The following ACBD7 variants were observed in gnomAD, a reference collection of about 807,000 sequenced individuals.
ACBD7 encodes acyl-CoA-binding domain-containing protein 7.
In ACBD7, 11 loss-of-function variants were observed where a neutral mutation model predicts 13.7. The ratio of observed to expected loss-of-function variants is 0.80; its 90% CI spans 0.50 to 1.33. The LOEUF is 1.33. Among genes scored for constraint, ACBD7 ranks in the 40% most tolerant of loss-of-function variants. The pLI is 0.00. For synonymous variants in ACBD7, 43 were observed against 37.7 expected (o/e 1.14, Z -0.51); for missense variants, 111 against 103.0 (o/e 1.08, Z -0.33).
At chr10:15,079,704 G>C (rs892049794) in intron 1 of ACBD7, among the ~76,000 whole-genome samples, 1 of 151,204 alleles carries the variant, frequency 6.6e-6, no homozygotes, top group Admixed American at 6.6e-5. Flanking sequence ...TCAGCCTCCC[G>C]AGTAGCTGGG....
At chr10:15,083,403 A>C (rs545546668) in intron 1 of ACBD7, among the ~76,000 whole-genome samples, 2 of 152,352 alleles carry the variant, frequency 1.3e-5, no homozygotes, top group South Asian at 4.1e-4. Context: ...CGATGCAACA[A>C]ACAAAGCTCC....
At chr10:15,080,625 T>A (rs1181783342) in intron 1 of ACBD7, among the ~76,000 whole-genome samples, 2 of 152,152 alleles carry the variant, frequency 1.3e-5, no homozygotes. Flanking sequence ...GTTTAAGCCT[T>A]GTCCTGAGTT....
In ACBD7 at chr10:15,079,149, C is replaced by CTATCAGAGCATCAGA; in HGVS notation, c.13-110_13-109insTCTGATGCTCTGATA. ...CAAGTAGAAATGAACTTCTGCTGCT[C>CTATCAGAGCATCAGA]TGGTTCTATCAGAATCATCTTAATT... On this transcript the variant is annotated intron_variant, in intron 1 of 3. Coordinates refer to ENST00000356189, the MANE Select transcript of ACBD7 (RefSeq NM_001039844.3). 5.3e-6 allele frequency: 3 copies of CTATCAGAGCATCAGA among 560,888 alleles called. No individual in the cohort carries two copies. The South Asian group carries it at 1.1e-4, about 20-fold the overall frequency. 34.7% of individuals were successfully genotyped at this position (560,888 alleles called of 1,614,324 possible).
At chr10:15,080,289 A>G (rs996404030) in intron 1 of ACBD7, among the ~76,000 whole-genome samples, 11 of 152,130 alleles carry the variant, frequency 7.2e-5, no homozygotes, top group African/African-American at 2.4e-4. Context: ...TCTATATACA[A>G]TGTACTTAAG....
intron 1 of ACBD7, among the ~76,000 whole-genome samples, chr10:15,084,130 G>C (rs1844781724): frequency 6.6e-6 from 1 of 152,240 alleles, no homozygotes; most frequent in African/African-American, 2.4e-5. Context: ...AGGGAAAGCT[G>C]CTCCCAGCGG....
Position 15,076,254 on chromosome 10 carries a change from A to G in ACBD7, c.*2276T>C. The G allele has an allele frequency of 1.0e-6, 1 of 985,324 alleles. No homozygotes were observed. Among genetic ancestry groups the G allele is most frequent in the Non-Finnish European group, 1.2e-6 (1 of 829,916 alleles). The allele number at this position is 985,324 out of a possible 1,614,324, so 61.0% of individuals were successfully genotyped here. On this transcript the variant is annotated 3_prime_UTR_variant, in exon 4 of 4. Transcript: ENST00000356189. The stretch of plus-strand genomic sequence containing the variant: ...CAATTTTTTGAATTGTTAACATGAG[A>G]CTGTCTTCTTTCAAAGAGCCTGTGT...
At position 15,076,786 on chromosome 10, in the gene ACBD7, A is replaced by G; in HGVS notation, c.*1744T>C. On this transcript the variant is annotated 3_prime_UTR_variant, in exon 4 of 4. Coordinates refer to ENST00000356189, the MANE Select transcript of ACBD7 (RefSeq NM_001039844.3). ...CCAAAGTGCTGAGATTAGAGGCGTG[A>G]GCCACCACGCTCAGCCTTGCCATTG... 1 of 985,306 alleles carries G rather than the reference A, an allele frequency of 1.0e-6. No homozygotes were observed. Among genetic ancestry groups the G allele is most frequent in the African/African-American group, 1.7e-5 (1 of 57,360 alleles). The allele number at this position is 985,306 out of a possible 1,614,324, so 61.0% of individuals were successfully genotyped here.
At chr10:15,088,594 A>T in intron 1 of ACBD7, 123 bp downstream of exon 1, 1 of 1,313,974 alleles carries the variant, frequency 7.6e-7, no homozygotes. Context: ...CTGGGGAAGG[A>T]GTGGGCGTGT....
At chr10:15,081,764 C>G (rs1844752866) in intron 1 of ACBD7, among the ~76,000 whole-genome samples, 1 of 152,156 alleles carries the variant, frequency 6.6e-6, no homozygotes, top group South Asian at 2.1e-4. Flanking sequence ...AGCACAATCA[C>G]CTGTAAGTTG....
At position 15,076,074 on chromosome 10, in the gene ACBD7, T is replaced by G; in HGVS notation, c.*2456A>C. On this transcript the variant is annotated 3_prime_UTR_variant, in exon 4 of 4. Coordinates refer to ENST00000356189, the MANE Select transcript of ACBD7 (RefSeq NM_001039844.3). ...ACTGGCTTTTTCTGCTCAGCATAAT[T>G]CCCTGGAAATTCATCTAGCAGACCT... 1 of 974,388 alleles carries G rather than the reference T, an allele frequency of 1.0e-6. No individual in the cohort carries two copies. The highest frequency in any genetic ancestry group is 1.2e-6 in the Non-Finnish European group (1 of 820,000). 60.4% of individuals were successfully genotyped at this position (974,388 alleles called of 1,614,324 possible).
intron 1 of ACBD7, among the ~76,000 whole-genome samples, chr10:15,082,605 T>C (rs1361344794): frequency 6.6e-6 from 1 of 152,094 alleles, no homozygotes; most frequent in African/African-American, 2.4e-5. Context: ...GCAGAAGGGG[T>C]GTAGGACCTT....
intron 1 of ACBD7, among the ~76,000 whole-genome samples, chr10:15,082,953 G>A (rs1421790605): frequency 1.3e-5 from 2 of 152,052 alleles, no homozygotes; most frequent in Non-Finnish European, 2.9e-5. Context: ...CAGGAAAATA[G>A]TTTGAACCCA....
intron 1 of ACBD7, among the ~76,000 whole-genome samples, chr10:15,086,381 G>A (rs1357205277): frequency 1.3e-5 from 2 of 151,980 alleles, no homozygotes; most frequent in East Asian, 1.9e-4. Context: ...ATCATGGGTC[G>A]ATGTTAATAC....
chr10:15,076,157 C>T lies in ACBD7; in HGVS notation c.*2373G>A, dbSNP rs1844679193. The T allele has an allele frequency of 1.0e-6, 1 of 985,088 alleles. No homozygotes were observed. Among genetic ancestry groups the T allele is most frequent in the African/African-American group, 1.7e-5 (1 of 57,180 alleles). 61.0% of individuals were successfully genotyped at this position (985,088 alleles called of 1,614,324 possible). On this transcript the variant is annotated 3_prime_UTR_variant, in exon 4 of 4. Transcript: ENST00000356189. ...GATCTATTCCTCTGGTCATACCATT[C>T]CAAATCTAAATTTTTATGCAGGGAA...
chr10:15,078,781 C>T lies in ACBD7; in HGVS notation c.131-28G>A, dbSNP rs1370057277. ...GGCAAAAGAAGGAGACATGCATTTG[C>T]AGGTTAACATTTTACTGTGCACTTC... is the stretch of plus-strand genomic sequence containing the variant. On this transcript the variant is annotated intron_variant, in intron 2 of 3. Transcript: ENST00000356189. 5.6e-6 allele frequency: 9 copies of T among 1,611,024 alleles called. No individual in the cohort carries two copies. The South Asian group carries it at 8.8e-5, about 16-fold the overall frequency.
intron 1 of ACBD7, among the ~76,000 whole-genome samples, chr10:15,087,811 T>A (rs1448318827): frequency 7.7e-6 from 1 of 130,510 alleles, no homozygotes; most frequent in African/African-American, 2.9e-5. Flanking sequence ...GACTCCATCT[T>A]AAAAAAAAAA....
chr10:15,078,866 G>A (rs7092227), intron 2 of ACBD7, 57 bp downstream of exon 2: 139,557 of 1,178,564 alleles, frequency 0.12, 9,011 homozygotes, highest in East Asian at 0.26. Flanking sequence ...TATTATAATC[G>A]CAATTAATAT....
chr10:15,087,333 T>G (rs1359945774), intron 1 of ACBD7, among the ~76,000 whole-genome samples: 2 of 138,452 alleles, frequency 1.4e-5, no homozygotes, highest in Non-Finnish European at 3.3e-5. Context: ...AGAGGTTAAC[T>G]ATGTCACAGG....
chr10:15,079,910 T>C (rs1431245831), intron 1 of ACBD7, among the ~76,000 whole-genome samples: 1 of 151,134 alleles, frequency 6.6e-6, no homozygotes, highest in African/African-American at 2.4e-5. Context: ...GCATTATTTA[T>C]ACTCATTGAA....
Sources: gnomAD v4.1 joint callset for allele counts (sites outside exome capture counted in the v4.1 genomes callset) on GRCh38, gnomAD v4.1.1 for gene constraint, MANE v1.5 for transcripts, NCBI Gene and HGNC (gene_info 2026-07-23, HGNC 2026-07-21) for gene names.